The following CDH12 variants were observed in gnomAD, a reference collection of about 807,000 sequenced individuals.
CDH12 encodes cadherin-12.
A neutral mutation model predicts 74.1 loss-of-function variants in CDH12; 41 were observed. The observed-to-expected ratio is 0.55, with a 90% CI of 0.43 to 0.72. The LOEUF is 0.72. Among genes scored for constraint, CDH12 ranks in the 30% least tolerant of loss-of-function variants. The probability of loss-of-function intolerance (pLI) is 0.00; values close to 1 mark genes in which losing one functional copy is unlikely to be tolerated. For synonymous variants in CDH12, 399 were observed against 355.0 expected (o/e 1.12, Z -1.39); for missense variants, 945 against 977.2 (o/e 0.97, Z 0.44).
chr5:22,041,184 G>C (rs1739552511), intron 5 of CDH12, among the ~76,000 whole-genome samples: 1 of 151,776 alleles, frequency 6.6e-6, no homozygotes, highest in South Asian at 2.1e-4. Flanking sequence ...CAAATATATA[G>C]CAGATGCACA....
chr5:21,822,844 T>C (rs1579770375), intron 8 of CDH12, among the ~76,000 whole-genome samples: 1 of 152,160 alleles, frequency 6.6e-6, no homozygotes, highest in Non-Finnish European at 1.5e-5. Context: ...TTAAGATTTA[T>C]AAATTTTCTG....
At chr5:22,631,931 A>G (rs939612961) in intron 1 of CDH12, among the ~76,000 whole-genome samples, 5 of 152,068 alleles carry the variant, frequency 3.3e-5, no homozygotes, top group African/African-American at 1.2e-4. Flanking sequence ...ATGTAACCCC[A>G]CGATCCAATC....
chr5:22,162,878 C>A (rs767152296), intron 4 of CDH12, among the ~76,000 whole-genome samples: 10 of 140,620 alleles, frequency 7.1e-5, no homozygotes, highest in Non-Finnish European at 1.5e-4. Context: ...TTGGTTCTTT[C>A]TCTTCCCTCT....
At chr5:22,085,187 A>G (rs540264735) in intron 4 of CDH12, among the ~76,000 whole-genome samples, 1 of 151,554 alleles carries the variant, frequency 6.6e-6, no homozygotes, top group Non-Finnish European at 1.5e-5. Context: ...TTTTTTTTTT[A>G]AATGGTCATA....
chr5:22,534,934 T>A (rs1341409988), intron 1 of CDH12, among the ~76,000 whole-genome samples: 5 of 148,946 alleles, frequency 3.4e-5, no homozygotes, highest in Non-Finnish European at 5.9e-5. Flanking sequence ...TTATAAAATA[T>A]ATTTCATGCT....
Position 22,780,508 on chromosome 5 carries a change from C to T in CDH12, c.-523+72550G>A, listed in dbSNP as rs117184653. 1.8e-4 allele frequency among the ~76,000 whole-genome samples: 27 copies of T among 152,200 alleles called. No homozygotes were observed. In the East Asian group the frequency reaches 4.1e-3, roughly 23 times the overall value. ...AAGAAAGGCAACCTTCTTCACAGGG[C>T]ATCAGGAAGGAGAAGTACAGAGCAA... is the stretch of plus-strand genomic sequence containing the variant. On this transcript the variant is annotated intron_variant, in intron 1 of 14. Transcript: ENST00000382254.
At chr5:22,294,055 G>T (rs72742086) in intron 3 of CDH12, among the ~76,000 whole-genome samples, 1 of 151,942 alleles carries the variant, frequency 6.6e-6, no homozygotes, top group Non-Finnish European at 1.5e-5. Flanking sequence ...CAATGTATAT[G>T]CTCTTCAGGA....
In CDH12 at chr5:22,552,837, C is replaced by T. The variant is rs190008747; in HGVS notation, c.-522-47473G>A. Among the ~76,000 whole-genome samples, 656 of 152,128 alleles carry T rather than the reference C, an allele frequency of 4.3e-3. 3 individuals are homozygous for T. Among genetic ancestry groups the T allele is most frequent in the Non-Finnish European group, 7.2e-3 (487 of 67,996 alleles). On this transcript the variant is annotated intron_variant, in intron 1 of 14. Transcript: ENST00000382254. ...TTTTTTATCCCAATGGATTCTGGCACACATGAGGATGGGTATTATTTATAT... is the reference window on the plus strand; with the variant it reads ...TTTTTTATCCCAATGGATTCTGGCATACATGAGGATGGGTATTATTTATAT...
chr5:22,429,753 G>A (rs1015487989), intron 2 of CDH12, among the ~76,000 whole-genome samples: 2 of 151,818 alleles, frequency 1.3e-5, no homozygotes, highest in African/African-American at 4.8e-5. Context: ...ATCACAGTCT[G>A]TTGGCTTCTG....
At chr5:21,948,922 C>T (rs982804694) in intron 6 of CDH12, among the ~76,000 whole-genome samples, 1 of 151,748 alleles carries the variant, frequency 6.6e-6, no homozygotes, top group African/African-American at 2.4e-5. Context: ...TACACACAAT[C>T]CTTCTCTCTC....
At chr5:22,148,537 T>A (rs894273378) in intron 4 of CDH12, among the ~76,000 whole-genome samples, 39 of 151,898 alleles carry the variant, frequency 2.6e-4, no homozygotes, top group Non-Finnish European at 4.4e-4. Flanking sequence ...CATCTTAAAA[T>A]AACAGAAATT....
chr5:22,827,767 G>T (rs903014544), intron 1 of CDH12, among the ~76,000 whole-genome samples: 2 of 152,152 alleles, frequency 1.3e-5, no homozygotes, highest in African/African-American at 2.4e-5. Context: ...CTGTAAAGAA[G>T]TAAGAGAATG....
chr5:22,044,901 T>C (rs924614834), intron 5 of CDH12, among the ~76,000 whole-genome samples: 1 of 152,134 alleles, frequency 6.6e-6, no homozygotes, highest in Non-Finnish European at 1.5e-5. Context: ...ATTTTTTGGA[T>C]GAAACTTCAA....
intron 3 of CDH12, among the ~76,000 whole-genome samples, chr5:22,306,696 C>T (rs989396642): frequency 6.6e-6 from 1 of 152,044 alleles, no homozygotes; most frequent in Non-Finnish European, 1.5e-5. Flanking sequence ...AGATTTCTGT[C>T]TCATTCATAT....
intron 3 of CDH12, among the ~76,000 whole-genome samples, chr5:22,370,741 C>T (rs960249711): frequency 6.6e-6 from 1 of 151,892 alleles, no homozygotes; most frequent in Non-Finnish European, 1.5e-5. Flanking sequence ...TTGAGAAAAC[C>T]GATTAAAAAC....
At chr5:21,771,522 C>A (rs551794421) in intron 11 of CDH12, among the ~76,000 whole-genome samples, 1 of 152,058 alleles carries the variant, frequency 6.6e-6, no homozygotes, top group Admixed American at 6.6e-5. Flanking sequence ...TTCTGATGGG[C>A]AATTGGTTGA....
At chr5:22,441,704 A>T (rs568008318) in intron 2 of CDH12, among the ~76,000 whole-genome samples, 18 of 152,136 alleles carry the variant, frequency 1.2e-4, no homozygotes, top group African/African-American at 4.3e-4. Flanking sequence ...TGTTTTGTTA[A>T]TATTATTATT....
chr5:22,316,226 G>GTT (rs553001424), intron 3 of CDH12, among the ~76,000 whole-genome samples: 2 of 140,700 alleles, frequency 1.4e-5, no homozygotes, highest in African/African-American at 2.6e-5. Flanking sequence ...AATGCTAAGA[G>GTT]TTTTTTTTTT....
At position 21,878,574 on chromosome 5, in the gene CDH12, CAA is replaced by C. The variant is rs55681202; in HGVS notation, c.527-23786_527-23785del. ...TGCAACCCTGTCTCTACCAAAAATA[CAA>C]AAAAAAAAAAAAAAAAATTAGCCAG... On this transcript the variant is annotated intron_variant, in intron 6 of 14. Coordinates refer to ENST00000382254, the MANE Select transcript of CDH12 (RefSeq NM_004061.5). Among the ~76,000 whole-genome samples, 9 of 119,736 alleles carry C rather than the reference CAA, an allele frequency of 7.5e-5. No individual in the cohort carries two copies. The South Asian group carries it at 8.3e-4, about 11-fold the overall frequency. The allele number at this position is 119,736 out of a possible 152,430, so 78.6% of individuals were successfully genotyped here. A position where few individuals can be genotyped will look rare whatever the true frequency, so the allele number is the denominator to read the frequency against.
Sources: allele counts gnomAD v4.1 joint callset (sites outside exome capture counted in the v4.1 genomes callset), GRCh38; gene constraint gnomAD v4.1.1; transcripts MANE v1.5; gene names NCBI Gene and HGNC (gene_info 2026-07-23, HGNC 2026-07-21).